APCDD1: variants seen among roughly 807,000 people sequenced by gnomAD.
The protein encoded by APCDD1 is APC down-regulated 1.
In APCDD1, 15 loss-of-function variants were observed where a neutral mutation model predicts 38.1. The ratio of observed to expected loss-of-function variants is 0.39; its 90% CI spans 0.26 to 0.61. The LOEUF is 0.61. Ranked by LOEUF, APCDD1 falls within the 20% of genes least tolerant of loss-of-function variation. The pLI is 0.49. For synonymous variants in APCDD1, 261 were observed against 279.7 expected (o/e 0.93, Z 0.67); for missense variants, 647 against 696.2 (o/e 0.93, Z 0.79).
chr18:10,487,211 A>G (rs1778282157), intron 4 of APCDD1, among the ~76,000 whole-genome samples: 1 of 152,218 alleles, frequency 6.6e-6, no homozygotes, highest in South Asian at 2.1e-4. Context: ...GCCTTTGTTG[A>G]ATATTTTTCT....
intron 3 of APCDD1, chr18:10,478,016 C>G (rs2031046958): frequency 6.6e-6 from 1 of 152,132 alleles, no homozygotes; most frequent in Non-Finnish European, 1.5e-5. Flanking sequence ...GCTCACTTCT[C>G]AGATTCTAAG....
Position 10,454,794 on chromosome 18 carries a change from G to T in APCDD1, c.-188G>T. On this transcript the variant is annotated 5_prime_UTR_variant, in exon 1 of 5. Transcript: ENST00000355285. ...GCCGGGGCGCCCACAGCCGCCCGAC[G>T]GCGCCCAGAGAGCGCGCGCCCCGCA... The T allele has an allele frequency of 1.0e-6, 1 of 981,126 alleles. No homozygotes were observed. Among genetic ancestry groups the T allele is most frequent in the Non-Finnish European group, 1.2e-6 (1 of 828,738 alleles). 60.8% of individuals were successfully genotyped at this position (981,126 alleles called of 1,614,324 possible).
intron 3 of APCDD1, among the ~76,000 whole-genome samples, chr18:10,480,948 A>T (rs2031122345): frequency 6.6e-6 from 1 of 152,002 alleles, no homozygotes; most frequent in Admixed American, 6.6e-5. Context: ...ATAAAAAATA[A>T]AAAAAATTGG....
intron 3 of APCDD1, among the ~76,000 whole-genome samples, chr18:10,480,252 A>G (rs1312839797): frequency 6.6e-6 from 1 of 152,180 alleles, no homozygotes; most frequent in Non-Finnish European, 1.5e-5. Context: ...ACTCCACAGT[A>G]CCAATCACTC....
Position 10,488,234 on chromosome 18 carries a change from TC to T in APCDD1, c.*198del. On this transcript the variant is annotated 3_prime_UTR_variant, in exon 5 of 5. Coordinates refer to ENST00000355285, the MANE Select transcript of APCDD1 (RefSeq NM_153000.5). ...TTTGAAGTTTCTGCTTTGAACTCCG[TC>T]CAGCCTGATCCCTGGCCTGAGCAAC... is the stretch of plus-strand genomic sequence containing the variant. 1 of 688,062 alleles carries T rather than the reference TC, an allele frequency of 1.5e-6. No homozygotes were observed. Among genetic ancestry groups the T allele is most frequent in the Non-Finnish European group, 2.4e-6 (1 of 409,534 alleles). 42.6% of individuals were successfully genotyped at this position (688,062 alleles called of 1,614,324 possible).
intron 1 of APCDD1, among the ~76,000 whole-genome samples, 162 bp downstream of exon 1, chr18:10,455,201 A>T (rs934503248): frequency 2.6e-5 from 4 of 152,066 alleles, no homozygotes; most frequent in Admixed American, 6.5e-5. Flanking sequence ...CAGCCCTGGG[A>T]GAGGGGGCTC....
At position 10,467,797 on chromosome 18, in the gene APCDD1, C is replaced by G. The variant is rs1334609589; in HGVS notation, c.59-672C>G. 1.3e-5 allele frequency among the ~76,000 whole-genome samples: 2 copies of G among 152,128 alleles called. No individual in the cohort carries two copies. The highest frequency in any genetic ancestry group is 1.5e-5 in the Non-Finnish European group (1 of 68,036). ...TTGTAGGAGGGTGCAAGGTTCACAC[C>G]ACGTGGTGAGCAGCCCTGTAGAGGG... is the stretch of plus-strand genomic sequence containing the variant. On this transcript the variant is annotated intron_variant, in intron 1 of 4. Transcript: ENST00000355285. The surrounding 1 kb of genome is among the most constrained non-coding windows in gnomAD (Gnocchi z 4.8).
rs2030776317 is a variant in APCDD1 at position 10,468,652 on chromosome 18, G to A, written c.242G>A (p.Gly81Asp). The A allele has an allele frequency of 6.2e-7, 1 of 1,613,374 alleles. No individual in the cohort carries two copies. Among genetic ancestry groups the A allele is most frequent in the Non-Finnish European group, 8.5e-7 (1 of 1,179,998 alleles). Residue 81 changes from glycine to aspartate, a missense_variant and splice_region_variant, in exon 2 of 5, where the codon GGC becomes GAC. By Grantham distance (94) the Gly-to-Asp change is moderately conservative. Transcript: ENST00000355285. ...PTIEGHWVST[G>D]CEVRSGPEFI... ...ATCGAGGGCCACTGGGTCTCCACAGGGTAAGAGGACAGGTGGGGTCTGGGA... is the reference window on the plus strand; with the variant it reads ...ATCGAGGGCCACTGGGTCTCCACAGAGTAAGAGGACAGGTGGGGTCTGGGA...
In APCDD1 at chr18:10,464,311, AACAC is replaced by A. The variant is rs541648834; in HGVS notation, c.59-4128_59-4125del. ...GTGAGACCTTAAAAGCTTCAAAGTA[AACAC>A]ACACACACACACACACACACACACA... On this transcript the variant is annotated intron_variant, in intron 1 of 4. Transcript: ENST00000355285. Among the ~76,000 whole-genome samples, 723 of 147,080 alleles carry A rather than the reference AACAC, an allele frequency of 4.9e-3. 6 individuals carry two copies. The highest frequency in any genetic ancestry group is 6.8e-3 in the Middle Eastern group (2 of 292).
chr18:10,484,371 C>A (rs1451458256), intron 3 of APCDD1, among the ~76,000 whole-genome samples: 1 of 152,174 alleles, frequency 6.6e-6, no homozygotes, highest in East Asian at 1.9e-4. Flanking sequence ...GAGCGCTGGC[C>A]TTTTTATTTT....
At position 10,470,065 on chromosome 18, in the gene APCDD1, A is replaced by G. The variant is rs114037275; in HGVS notation, c.242+1413A>G. ...GGCTGCTGTTTGGCAAATGGACGGG[A>G]GAAAAAGTGATTTGGGGGTGACCAG... is the stretch of plus-strand genomic sequence containing the variant. On this transcript the variant is annotated intron_variant, in intron 2 of 4. Transcript: ENST00000355285. The surrounding 1 kb of genome is among the most constrained non-coding windows in gnomAD (Gnocchi z 4.1). 5.2e-3 allele frequency among the ~76,000 whole-genome samples: 796 copies of G among 152,296 alleles called. 7 individuals are homozygous for G. The highest frequency in any genetic ancestry group is 0.018 in the African/African-American group (757 of 41,546).
chr18:10,469,875 TA>T lies in APCDD1; in HGVS notation c.242+1226del. On this transcript the variant is annotated intron_variant, in intron 2 of 4. Transcript: ENST00000355285. This position sits in a 1 kb window ranked among gnomAD's most constrained non-coding sequence, Gnocchi z 5.5. ...TGAGAACCCTGTGGCTGGGATGCAG[TA>T]AACCAGGGCAGACAGCCTCACATGA... is the stretch of plus-strand genomic sequence containing the variant. Among the ~76,000 whole-genome samples the T allele has an allele frequency of 6.6e-6, 1 of 152,228 alleles. No individual in the cohort carries two copies. The highest frequency in any genetic ancestry group is 2.1e-4 in the South Asian group (1 of 4,820).
Position 10,455,685 on chromosome 18 carries a change from T to A in APCDD1, c.58+646T>A, listed in dbSNP as rs187100274. 3.3e-5 allele frequency among the ~76,000 whole-genome samples: 5 copies of A among 152,284 alleles called. No homozygotes were observed. In the East Asian group the frequency reaches 9.6e-4, roughly 29 times the overall value. ...AATCATTATTACCAGTCTCCCAATG[T>A]GCACCCCAACTTGACGTCCCATTTC... On this transcript the variant is annotated intron_variant, in intron 1 of 4. Transcript: ENST00000355285.
intron 3 of APCDD1, among the ~76,000 whole-genome samples, chr18:10,478,585 A>G (rs77366366): frequency 0.016 from 2,389 of 152,170 alleles, 75 homozygotes; most frequent in African/African-American, 0.055. Flanking sequence ...ACAGCTGGAG[A>G]ACTCTCAGGC....
In APCDD1 at chr18:10,487,828, C is replaced by T. The variant is rs374423135; in HGVS notation, c.1335C>T (p.Asp445=). 6.3e-5 allele frequency: 101 copies of T among 1,613,920 alleles called. No individual in the cohort carries two copies. Among genetic ancestry groups the T allele is most frequent in the Middle Eastern group, 3.3e-4 (2 of 6,084 alleles). ...YLLFNGQRPS[D]GSSPDRPEKR... is the part of the protein sequence containing the mutation. Reference sequence around the variant, plus strand: ...TGTTCAACGGTCAGAGGCCCAGCGACGGGTCCAGCCCAGACAGGCCAGAGA... The same window carrying T: ...TGTTCAACGGTCAGAGGCCCAGCGATGGGTCCAGCCCAGACAGGCCAGAGA... The change falls in exon 5 of 5, where the codon GAC becomes GAT. Residue 445 remains aspartate, a synonymous_variant. Transcript: ENST00000355285.
intron 1 of APCDD1, among the ~76,000 whole-genome samples, chr18:10,461,531 G>T (rs11660993): frequency 0.16 from 24,716 of 152,214 alleles, 2,019 homozygotes; most frequent in Middle Eastern, 0.24. Context: ...TCTCAATCAA[G>T]AGTGCCTCTG....
At chr18:10,458,428 T>A (rs2030438210) in intron 1 of APCDD1, among the ~76,000 whole-genome samples, 1 of 152,234 alleles carries the variant, frequency 6.6e-6, no homozygotes, top group South Asian at 2.1e-4. Context: ...ACTATTTTAC[T>A]AAGGACAGTT....
At position 10,471,887 on chromosome 18, in the gene APCDD1, G is replaced by A; in HGVS notation, c.600G>A (p.Lys200=). Residue 200 remains lysine, a synonymous_variant, in exon 3 of 5, where the codon AAG becomes AAA. Transcript: ENST00000355285. This position sits in a 1 kb window ranked among gnomAD's most constrained non-coding sequence, Gnocchi z 5.5. ...AGGAGAACGGCTGTGAGTGCACCAA[G>A]GCCGTGAACTTTGCCATGCATGAAC... The part of the protein sequence containing the change: ...WREENGCECT[K]AVNFAMHELQ... 1 of 1,614,172 alleles carries A rather than the reference G, an allele frequency of 6.2e-7. No individual in the cohort carries two copies. Among genetic ancestry groups the A allele is most frequent in the Non-Finnish European group, 8.5e-7 (1 of 1,180,034 alleles).
chr18:10,478,392 A>G (rs1279253257), intron 3 of APCDD1, among the ~76,000 whole-genome samples: 1 of 152,204 alleles, frequency 6.6e-6, no homozygotes, highest in African/African-American at 2.4e-5. Context: ...CAGGTGCCTC[A>G]GTCCATCCAG....
Sources: gnomAD v4.1 joint callset for allele counts (sites outside exome capture counted in the v4.1 genomes callset) on GRCh38, gnomAD v4.1.1 for gene constraint, Gnocchi (gnomAD v3.1) non-coding constraint, MANE v1.5 for transcripts, NCBI Gene and HGNC (gene_info 2026-07-23, HGNC 2026-07-21) for gene names.